Variants in DLG1 observed in about 807,000 individuals in gnomAD.
DLG1 encodes discs large MAGUK scaffold protein 1.
In DLG1, 42 loss-of-function variants were observed where a neutral mutation model predicts 123.4. The ratio of observed to expected loss-of-function variants is 0.34; its 90% confidence interval spans 0.27 to 0.44. The LOEUF (loss-of-function observed/expected upper bound fraction) is 0.44, where lower values mean the gene tolerates loss of function less well. DLG1 is among the 20% of genes least tolerant of loss of function. The pLI, the probability that DLG1 is intolerant of heterozygous loss-of-function variation, is 1.00. For missense variants in DLG1, 942 were observed against 1,082.6 expected, an observed-to-expected ratio of 0.87 and a Z score of 1.82; for synonymous variants, 317 against 356.2, an observed-to-expected ratio of 0.89 and a Z score of 1.24.
chr3:197,154,732 A>C (rs73086521), intron 5 of DLG1, among the ~76,000 whole-genome samples: 2,434 of 152,262 alleles, frequency 0.016, 69 homozygotes, highest in African/African-American at 0.054. Context: ...TGTATGAACG[A>C]AACGGAAATA....
chr3:197,234,543 G>A (rs551483668), intron 4 of DLG1, among the ~76,000 whole-genome samples: 1 of 152,184 alleles, frequency 6.6e-6, no homozygotes, highest in Admixed American at 6.5e-5. Context: ...TTATAATATG[G>A]ACAGACAAGC....
rs1793034380 is a variant in DLG1, at chr3:197,149,898, A to T, written c.484-102T>A. ...GGAAAGACTTGCTATTTCTTAAGTT[A>T]TAATCTTATATGAGCTTTTTATATG... is the stretch of plus-strand genomic sequence containing the variant. On this transcript the variant is annotated intron_variant, in intron 5 of 24. Transcript: ENST00000667157. 1.8e-5 allele frequency: 13 copies of T among 712,798 alleles called. No homozygotes were observed. In the East Asian group the frequency reaches 3.5e-4, roughly 19 times the overall value. 44.2% of individuals were successfully genotyped at this position (712,798 alleles called of 1,614,324 possible).
intron 15 of DLG1, among the ~76,000 whole-genome samples, chr3:197,090,217 T>C (rs1756984752): frequency 6.6e-6 from 1 of 151,724 alleles, no homozygotes; most frequent in Non-Finnish European, 1.5e-5. Context: ...AGTAACAGTA[T>C]AATAAAGTTA....
chr3:197,150,552 ATATT>A (rs769633940), intron 5 of DLG1, among the ~76,000 whole-genome samples: 28 of 152,174 alleles, frequency 1.8e-4, no homozygotes, highest in Non-Finnish European at 3.7e-4. Flanking sequence ...TTTCTTCTGC[ATATT>A]TAAAGTTATG....
At chr3:197,215,137 T>G (rs1426811381) in intron 4 of DLG1, among the ~76,000 whole-genome samples, 1 of 152,192 alleles carries the variant, frequency 6.6e-6, no homozygotes, top group Non-Finnish European at 1.5e-5. Context: ...ACTATTTGTA[T>G]ACAAATACAA....
At chr3:197,153,676 A>T (rs1404595242) in intron 5 of DLG1, among the ~76,000 whole-genome samples, 1 of 152,022 alleles carries the variant, frequency 6.6e-6, no homozygotes, top group Non-Finnish European at 1.5e-5. Context: ...CACCAATTCA[A>T]TTTTCTTTTT....
At chr3:197,094,508 A>G (rs1348594174) in intron 14 of DLG1, among the ~76,000 whole-genome samples, 23 of 152,198 alleles carry the variant, frequency 1.5e-4, no homozygotes, top group Non-Finnish European at 2.9e-5. Flanking sequence ...AAAAACTTTA[A>G]AGCAATTAGG....
At chr3:197,124,482 G>C (rs1778007468) in intron 11 of DLG1, among the ~76,000 whole-genome samples, 1 of 152,076 alleles carries the variant, frequency 6.6e-6, no homozygotes, top group South Asian at 2.1e-4. Context: ...CACTGGGTTA[G>C]CCAGGATGGT....
chr3:197,086,324 A>G (rs898295743), intron 15 of DLG1, among the ~76,000 whole-genome samples: 1 of 152,218 alleles, frequency 6.6e-6, no homozygotes. Flanking sequence ...GGAGAAAGTA[A>G]TAATTTAATA....
chr3:197,214,814 A>G (rs1184577806), intron 4 of DLG1, among the ~76,000 whole-genome samples: 1 of 152,228 alleles, frequency 6.6e-6, no homozygotes, highest in Non-Finnish European at 1.5e-5. Flanking sequence ...CTGGCAGTTC[A>G]TTGTATAAAG....
chr3:197,189,546 A>G (rs1718104774), intron 5 of DLG1, among the ~76,000 whole-genome samples: 1 of 152,126 alleles, frequency 6.6e-6, no homozygotes, highest in South Asian at 2.1e-4. Context: ...AAAGTGAGGG[A>G]AAGGGGACTA....
chr3:197,280,460 C>A (rs937306774), intron 4 of DLG1, among the ~76,000 whole-genome samples: 2 of 152,028 alleles, frequency 1.3e-5, no homozygotes, highest in Non-Finnish European at 2.9e-5. Context: ...CATGGGGGTG[C>A]AGGTATCCCT....
At chr3:197,277,158 C>G (rs2151100136) in intron 4 of DLG1, among the ~76,000 whole-genome samples, 1 of 151,228 alleles carries the variant, frequency 6.6e-6, no homozygotes. Flanking sequence ...TCCCAAAGTG[C>G]TGGAATTACA....
chr3:197,053,546 C>A (rs887537056), intron 23 of DLG1, among the ~76,000 whole-genome samples: 2 of 151,110 alleles, frequency 1.3e-5, no homozygotes, highest in African/African-American at 2.4e-5. Context: ...CCGAGGCAGG[C>A]GGATCACCTG....
intron 5 of DLG1, among the ~76,000 whole-genome samples, chr3:197,164,131 C>T (rs540035137): frequency 3.3e-4 from 50 of 152,068 alleles, no homozygotes; most frequent in African/African-American, 1.1e-3. Context: ...GTGGTTCACA[C>T]CTGTAATCTC....
chr3:197,136,227 TA>T (rs1399162341), intron 10 of DLG1: 3 of 198,336 alleles, frequency 1.5e-5, no homozygotes, highest in Non-Finnish European at 3.1e-5. Context: ...TGAAGTAAAA[TA>T]AAAAAGGGTC....
At chr3:197,106,729 C>A (rs1475904733) in intron 13 of DLG1, among the ~76,000 whole-genome samples, 1 of 152,108 alleles carries the variant, frequency 6.6e-6, no homozygotes, top group East Asian at 1.9e-4. Context: ...TAAAGACTTT[C>A]CAGACTATCA....
chr3:197,170,193 G>C (rs1272307495), intron 5 of DLG1, among the ~76,000 whole-genome samples: 1 of 152,088 alleles, frequency 6.6e-6, no homozygotes, highest in African/African-American at 2.4e-5. Flanking sequence ...GCATGTCTTT[G>C]CTACTGTGAA....
At chr3:197,252,985 A>G (rs900936960) in intron 4 of DLG1, among the ~76,000 whole-genome samples, 1 of 152,206 alleles carries the variant, frequency 6.6e-6, no homozygotes, top group Admixed American at 6.5e-5. Flanking sequence ...TTAATCTGAA[A>G]AAACAGGAGA....
Sources: gnomAD v4.1 joint callset for allele counts (sites outside exome capture counted in the v4.1 genomes callset) on GRCh38, gnomAD v4.1.1 for gene constraint, MANE v1.5 for transcripts, NCBI Gene and HGNC (gene_info 2026-07-23, HGNC 2026-07-21) for gene names.